Variants in ELAPOR2 observed in about 807,000 individuals in gnomAD.
ELAPOR2 encodes the protein endosome-lysosome associated apoptosis and autophagy regulator family member 2.
ELAPOR2 carries 89 observed loss-of-function variants against 120.7 expected under a neutral mutation model. The ratio of observed to expected loss-of-function variants is 0.74; its 90% CI spans 0.62 to 0.88. ELAPOR2 has a LOEUF of 0.88. Ranked by LOEUF, ELAPOR2 falls within the 40% of genes least tolerant of loss-of-function variation. ELAPOR2 has a pLI of 0.00. For synonymous variants in ELAPOR2, 444 were observed against 444.9 expected, an observed-to-expected ratio of 1.00 and a Z score of 0.03; for missense variants, 1,134 against 1,251.6, an observed-to-expected ratio of 0.91 and a Z score of 1.42.
intron 5 of ELAPOR2, chr7:86,941,272 G>A (rs529371294): frequency 4.6e-5 from 24 of 517,072 alleles, no homozygotes; most frequent in African/African-American, 3.3e-4. Flanking sequence ...ACTATAAACC[G>A]GAGTTAGATA....
intron 1 of ELAPOR2, chr7:86,965,759 A>T: frequency 1.1e-6 from 1 of 898,232 alleles, no homozygotes; most frequent in Non-Finnish European, 1.3e-6. Flanking sequence ...GGAGCATTTT[A>T]AGAATGTGAG....
At chr7:86,953,001 C>T (rs1475939055) in intron 2 of ELAPOR2, among the ~76,000 whole-genome samples, 1 of 150,612 alleles carries the variant, frequency 6.6e-6, no homozygotes, top group East Asian at 2.0e-4. Context: ...GAGGCTGAGG[C>T]ATGAGAATTG....
chr7:86,970,953 C>T (rs1011512748), intron 1 of ELAPOR2, among the ~76,000 whole-genome samples: 1 of 152,126 alleles, frequency 6.6e-6, no homozygotes, highest in African/African-American at 2.4e-5. Context: ...CTCCCATATG[C>T]CACTGTGTAG....
intron 1 of ELAPOR2, among the ~76,000 whole-genome samples, chr7:87,042,576 C>A (rs1794820953): frequency 6.6e-6 from 1 of 151,834 alleles, no homozygotes; most frequent in African/African-American, 2.4e-5. Context: ...AACAAAGACA[C>A]AACATACCAG....
At chr7:87,027,477 G>T (rs1460567862) in intron 1 of ELAPOR2, among the ~76,000 whole-genome samples, 1 of 152,140 alleles carries the variant, frequency 6.6e-6, no homozygotes, top group Non-Finnish European at 1.5e-5. Context: ...GGGTTGAATT[G>T]TGTCCCCAAA....
At chr7:87,022,196 AT>A (rs2116702011) in intron 1 of ELAPOR2, among the ~76,000 whole-genome samples, 1 of 151,730 alleles carries the variant, frequency 6.6e-6, no homozygotes, top group Non-Finnish European at 1.5e-5. Context: ...GTCATTTAAC[AT>A]TAGTTATATC....
intron 9 of ELAPOR2, among the ~76,000 whole-genome samples, 199 bp from the exon 10 acceptor site, chr7:86,925,855 A>C (rs1482602776): frequency 6.6e-6 from 1 of 152,068 alleles, no homozygotes; most frequent in Middle Eastern, 3.2e-3. Context: ...TATATTATAC[A>C]TACATACATA....
intron 1 of ELAPOR2, among the ~76,000 whole-genome samples, chr7:87,010,858 T>G (rs956314444): frequency 1.3e-5 from 2 of 152,152 alleles, no homozygotes; most frequent in African/African-American, 4.8e-5. Context: ...GAGGAACCAC[T>G]ATATACATAA....
At chr7:87,026,405 A>G (rs1289497314) in intron 1 of ELAPOR2, among the ~76,000 whole-genome samples, 1 of 152,020 alleles carries the variant, frequency 6.6e-6, no homozygotes, top group Non-Finnish European at 1.5e-5. Flanking sequence ...ATGTTTAAAC[A>G]ACATGAAATT....
rs1329216514 is a variant in ELAPOR2 at position 86,880,420 on chromosome 7, A to G, written c.*51T>C. 1 of 1,333,774 alleles carries G rather than the reference A, an allele frequency of 7.5e-7. No homozygotes were observed. The allele number at this position is 1,333,774 out of a possible 1,614,324, so 82.6% of individuals were successfully genotyped here. ...AGACCCTAAAATATGGTCCTGTAAA[A>G]CTAGAGCAGGTTTCTTTGTTCATTA... On this transcript the variant is annotated 3_prime_UTR_variant, in exon 22 of 22. Coordinates refer to ENST00000450689, the MANE Select transcript of ELAPOR2 (RefSeq NM_001142749.3).
intron 21 of ELAPOR2, among the ~76,000 whole-genome samples, chr7:86,882,555 T>G (rs1799461685): frequency 6.6e-6 from 1 of 152,178 alleles, no homozygotes; most frequent in Non-Finnish European, 1.5e-5. Context: ...TGGTGGGATA[T>G]ACACACATAC....
chr7:87,018,330 C>T (rs1367512461), intron 1 of ELAPOR2, among the ~76,000 whole-genome samples: 4 of 152,064 alleles, frequency 2.6e-5, no homozygotes, highest in Non-Finnish European at 5.9e-5. Flanking sequence ...CGAGCCACCA[C>T]GCCCGGCCAG....
At chr7:87,027,595 C>T (rs1794285911) in intron 1 of ELAPOR2, among the ~76,000 whole-genome samples, 1 of 152,072 alleles carries the variant, frequency 6.6e-6, no homozygotes. Context: ...GAGCCAAATC[C>T]AATATGGCTG....
At chr7:86,958,247 T>A (rs1022292121) in intron 2 of ELAPOR2, among the ~76,000 whole-genome samples, 4 of 152,240 alleles carry the variant, frequency 2.6e-5, no homozygotes, top group African/African-American at 7.2e-5. Context: ...CTGCTTTTTA[T>A]AAAGGGAGGG....
chr7:87,042,063 A>G (rs1423733465), intron 1 of ELAPOR2, among the ~76,000 whole-genome samples: 3 of 150,488 alleles, frequency 2.0e-5, no homozygotes, highest in Admixed American at 6.6e-5. Context: ...AGAGCTAACT[A>G]TCCTAAATAT....
chr7:87,043,912 T>C (rs1473475383), intron 1 of ELAPOR2, among the ~76,000 whole-genome samples: 4 of 151,622 alleles, frequency 2.6e-5, no homozygotes, highest in Non-Finnish European at 5.9e-5. Context: ...TTCAGCGAAG[T>C]CTCAGGATAC....
At chr7:87,010,188 A>C (rs1793610197) in intron 1 of ELAPOR2, among the ~76,000 whole-genome samples, 1 of 152,204 alleles carries the variant, frequency 6.6e-6, no homozygotes, top group Non-Finnish European at 1.5e-5. Flanking sequence ...TTCCAATGGG[A>C]GAAAAACTAA....
chr7:87,042,468 G>A (rs561342059), intron 1 of ELAPOR2, among the ~76,000 whole-genome samples: 5 of 151,402 alleles, frequency 3.3e-5, no homozygotes, highest in Admixed American at 1.3e-4. Context: ...ACTCAAAACC[G>A]CTCAACTACA....
chr7:86,909,438 A>C (rs1356290213), intron 16 of ELAPOR2, among the ~76,000 whole-genome samples: 1 of 152,092 alleles, frequency 6.6e-6, no homozygotes, highest in Non-Finnish European at 1.5e-5. Context: ...TTGGTATGAG[A>C]AAAGGTGATG....
Sources: allele counts gnomAD v4.1 joint callset (sites outside exome capture counted in the v4.1 genomes callset), GRCh38; gene constraint gnomAD v4.1.1; transcripts MANE v1.5; gene names NCBI Gene and HGNC (gene_info 2026-07-23, HGNC 2026-07-21).